The following ABCC1 variants were observed in gnomAD, a reference collection of about 807,000 sequenced individuals.
The protein encoded by ABCC1 is multidrug resistance-associated protein 1.
A neutral mutation model predicts 172.9 loss-of-function variants in ABCC1; 83 were observed. The ratio of observed to expected loss-of-function variants is 0.48; its 90% confidence interval spans 0.40 to 0.58. The LOEUF is 0.58. Ranked by LOEUF, ABCC1 falls within the 20% of genes least tolerant of loss-of-function variation. The pLI, the probability that ABCC1 is intolerant of heterozygous loss-of-function variation, is 0.00. For synonymous variants in ABCC1, 937 were observed against 825.2 expected, an observed-to-expected ratio of 1.14 and a Z score of -2.32; for missense variants, 1,817 against 2,002.7, an observed-to-expected ratio of 0.91 and a Z score of 1.77.
intron 22 of ABCC1, among the ~76,000 whole-genome samples, chr16:16,113,186 CT>C (rs2044697259): frequency 6.6e-6 from 1 of 152,136 alleles, no homozygotes; most frequent in Non-Finnish European, 1.5e-5. Flanking sequence ...CTCCCCTCCC[CT>C]CTCCTTGCCA....
intron 5 of ABCC1, among the ~76,000 whole-genome samples, chr16:16,027,875 C>CTAT (rs1312144562): frequency 6.6e-6 from 1 of 152,126 alleles, no homozygotes; most frequent in East Asian, 1.9e-4. Context: ...GTCACTGCTT[C>CTAT]TATTATTATT....
chr16:15,983,898 G>T lies in ABCC1; in HGVS notation c.49-23918G>T, dbSNP rs75682665. 5.7e-3 allele frequency among the ~76,000 whole-genome samples: 867 copies of T among 152,020 alleles called. 4 individuals carry two copies. The highest frequency in any genetic ancestry group is 0.02 in the African/African-American group (823 of 41,468). On this transcript the variant is annotated intron_variant, in intron 1 of 30. Transcript: ENST00000399410. The stretch of plus-strand genomic sequence containing the variant: ...GACTAAATTCCCTTAGAGATGCCTG[G>T]GTCTGCATTTATTGCTACTGTTCTG...
At chr16:16,127,395 C>T (rs188151443) in intron 26 of ABCC1, among the ~76,000 whole-genome samples, 91 of 152,244 alleles carry the variant, frequency 6.0e-4, no homozygotes, top group African/African-American at 1.9e-3. Context: ...TTAGTAGAGA[C>T]GGGATTTTGC....
At chr16:16,018,158 C>G (rs1315926215) in intron 5 of ABCC1, among the ~76,000 whole-genome samples, 1 of 152,256 alleles carries the variant, frequency 6.6e-6, no homozygotes, top group East Asian at 1.9e-4. Context: ...TGGCCTAAAC[C>G]TCTGTGAGGG....
chr16:16,132,549 T>G (rs1477927152), intron 27 of ABCC1, among the ~76,000 whole-genome samples: 5 of 113,632 alleles, frequency 4.4e-5, no homozygotes, highest in Admixed American at 1.1e-4. Context: ...TGAGATGGAG[T>G]CTTACTCTGT....
intron 1 of ABCC1, among the ~76,000 whole-genome samples, chr16:15,986,262 T>G (rs1318749858): frequency 6.6e-6 from 1 of 152,118 alleles, no homozygotes; most frequent in Non-Finnish European, 1.5e-5. Flanking sequence ...ACTCAGATAT[T>G]CCCACCGTCC....
At chr16:15,975,339 TCTC>T (rs1220994549) in intron 1 of ABCC1, among the ~76,000 whole-genome samples, 1 of 152,066 alleles carries the variant, frequency 6.6e-6, no homozygotes, top group Non-Finnish European at 1.5e-5. Flanking sequence ...GCTTGGGAGT[TCTC>T]CTGGTTTTTT....
chr16:16,045,259 G>T (rs768477284), intron 8 of ABCC1, among the ~76,000 whole-genome samples: 1 of 151,850 alleles, frequency 6.6e-6, no homozygotes, highest in Non-Finnish European at 1.5e-5. Context: ...TTAGCCGGGC[G>T]TGGTGGTGCA....
chr16:16,044,623 GCTT>G lies in ABCC1; in HGVS notation c.991_993del (p.Phe331del), dbSNP rs2049124424. 6.2e-7 allele frequency: 1 copy of G among 1,614,130 alleles called. No individual in the cohort carries two copies. Among genetic ancestry groups the G allele is most frequent in the South Asian group, 1.1e-5 (1 of 91,074 alleles). Reference sequence around the variant, plus strand: ...ACCTTTGGGCCCTACTTCCTCATGAGCTTCTTCTTCAAGGCCATCCACGACCTG... The same window carrying G: ...ACCTTTGGGCCCTACTTCCTCATGAGCTTCTTCAAGGCCATCCACGACCTG... On this transcript the variant is annotated inframe_deletion, in exon 8 of 31. Transcript: ENST00000399410.
chr16:16,131,770 C>G lies in ABCC1; in HGVS notation c.3820-19C>G, dbSNP rs201602440. On this transcript the variant is annotated intron_variant, in intron 26 of 30. Transcript: ENST00000399410. ...ATGGACTGGAAATTCCTTACTCTCTCCCTTCACTGCGATCGAAGGCGCCCT... is the reference window on the plus strand; with the variant it reads ...ATGGACTGGAAATTCCTTACTCTCTGCCTTCACTGCGATCGAAGGCGCCCT... 1.6e-5 allele frequency: 25 copies of G among 1,609,828 alleles called. No individual in the cohort carries two copies. In the East Asian group the frequency reaches 5.8e-4, roughly 37 times the overall value.
In ABCC1 at chr16:16,057,459, C is replaced by T. The variant is rs564180458; in HGVS notation, c.1677+1164C>T. The stretch of plus-strand genomic sequence containing the variant: ...GTCAGCTCCAGATGGGCATTTTTGT[C>T]GTTTCTCTTGACTGCTGTATCCTCA... On this transcript the variant is annotated intron_variant, in intron 12 of 30. Coordinates refer to ENST00000399410, the MANE Select transcript of ABCC1 (RefSeq NM_004996.4). Among the ~76,000 whole-genome samples the T allele has an allele frequency of 5.0e-4, 76 of 150,910 alleles. No homozygotes were observed. In the South Asian group the frequency reaches 8.8e-3, roughly 17 times the overall value.
chr16:16,103,035 T>C (rs1596502691), intron 20 of ABCC1, among the ~76,000 whole-genome samples: 1 of 152,172 alleles, frequency 6.6e-6, no homozygotes, highest in East Asian at 1.9e-4. Context: ...GTTCAGGCTT[T>C]GTGAAGCAGC....
At chr16:15,989,087 A>G (rs1397828640) in intron 1 of ABCC1, among the ~76,000 whole-genome samples, 1 of 151,922 alleles carries the variant, frequency 6.6e-6, no homozygotes, top group Non-Finnish European at 1.5e-5. Flanking sequence ...AAAAAAAAAA[A>G]AAAAATTAGT....
intron 17 of ABCC1, among the ~76,000 whole-genome samples, chr16:16,084,630 CTT>C (rs34549440): frequency 1.5e-4 from 18 of 123,574 alleles, no homozygotes; most frequent in Admixed American, 1.7e-4. Context: ...TCTCAAAGTT[CTT>C]TTTTTTTTTT....
intron 1 of ABCC1, among the ~76,000 whole-genome samples, chr16:15,967,671 G>A (rs2046275467): frequency 6.7e-6 from 1 of 150,302 alleles, no homozygotes; most frequent in South Asian, 2.1e-4. Context: ...TGAGGCGGGA[G>A]GTTTGCTTGG....
intron 7 of ABCC1, among the ~76,000 whole-genome samples, chr16:16,038,933 G>A (rs2048857254): frequency 6.6e-6 from 1 of 152,164 alleles, no homozygotes; most frequent in African/African-American, 2.4e-5. Context: ...CTTGGGAGGA[G>A]GACAGAGTTT....
intron 19 of ABCC1, chr16:16,098,747 C>G: frequency 1.2e-6 from 1 of 828,530 alleles, no homozygotes; most frequent in East Asian, 5.2e-5. Flanking sequence ...GGAGCAGACC[C>G]TTCAGCCATT....
chr16:16,047,277 ATTGTTT>A (rs1048094003), intron 9 of ABCC1, among the ~76,000 whole-genome samples: 1 of 151,866 alleles, frequency 6.6e-6, no homozygotes, highest in Non-Finnish European at 1.5e-5. Flanking sequence ...CCCAGGTGTC[ATTGTTT>A]TTGTTTTTTA....
intron 19 of ABCC1, among the ~76,000 whole-genome samples, chr16:16,101,382 C>A (rs1054449795): frequency 1.3e-5 from 2 of 152,194 alleles, no homozygotes; most frequent in Non-Finnish European, 2.9e-5. Flanking sequence ...ACAACCAAGA[C>A]TGAGAATTCC....
Sources: allele counts gnomAD v4.1 joint callset (sites outside exome capture counted in the v4.1 genomes callset), GRCh38; gene constraint gnomAD v4.1.1; transcripts MANE v1.5; gene names NCBI Gene and HGNC (gene_info 2026-07-23, HGNC 2026-07-21).